Variants in KALRN observed in about 807,000 individuals in gnomAD.
KALRN encodes the protein kalirin RhoGEF kinase, also known as kalirin.
KALRN carries 70 observed loss-of-function variants against 353.7 expected under a neutral mutation model. The ratio of observed to expected loss-of-function variants is 0.20; its 90% CI spans 0.16 to 0.24. KALRN has a LOEUF of 0.24. KALRN is among the 10% of genes least tolerant of loss of function. The probability of loss-of-function intolerance (pLI) is 1.00; values close to 1 mark genes in which losing one functional copy is unlikely to be tolerated. For missense variants in KALRN, 2,791 were observed against 3,756.7 expected, an observed-to-expected ratio of 0.74 and a Z score of 6.72; for synonymous variants, 1,391 against 1,434.8, an observed-to-expected ratio of 0.97 and a Z score of 0.69.
intron 34 of KALRN, among the ~76,000 whole-genome samples, chr3:124,624,058 C>T (rs1318535800): frequency 3.9e-5 from 6 of 152,168 alleles, no homozygotes. Context: ...CAGAAATAAA[C>T]AGTTCATAAG....
chr3:124,451,498 C>A (rs2058776549), intron 21 of KALRN, among the ~76,000 whole-genome samples: 1 of 152,130 alleles, frequency 6.6e-6, no homozygotes, highest in Non-Finnish European at 1.5e-5. Flanking sequence ...AAGATCATGT[C>A]CATACTTCTG....
At chr3:124,373,527 T>C (rs781349241) in intron 10 of KALRN, among the ~76,000 whole-genome samples, 11 of 152,184 alleles carry the variant, frequency 7.2e-5, no homozygotes, top group Non-Finnish European at 1.2e-4. Flanking sequence ...AAGTCTGAGA[T>C]TGCAGTGTTA....
intron 1 of KALRN, among the ~76,000 whole-genome samples, chr3:124,126,329 A>G (rs77480492): frequency 0.021 from 3,145 of 152,248 alleles, 98 homozygotes; most frequent in African/African-American, 0.072. Context: ...CCTGTAACCC[A>G]ATATTACCTC....
intron 25 of KALRN, among the ~76,000 whole-genome samples, chr3:124,471,429 G>A (rs1446213855): frequency 6.6e-6 from 1 of 151,854 alleles, no homozygotes; most frequent in Non-Finnish European, 1.5e-5. Context: ...GGGCTTACAG[G>A]CGCCCACCAC....
intron 21 of KALRN, 140 bp from the exon 22 acceptor site, chr3:124,455,034 TTAG>T (rs1156934812): frequency 1.3e-6 from 1 of 756,564 alleles, no homozygotes; most frequent in Non-Finnish European, 2.1e-6. Flanking sequence ...GATCTCCCAG[TTAG>T]TAGTAACAAA....
chr3:124,312,182 C>T (rs72976563), intron 6 of KALRN, among the ~76,000 whole-genome samples: 9,322 of 152,116 alleles, frequency 0.061, 922 homozygotes, highest in East Asian at 0.47. Flanking sequence ...TTCATTTAGA[C>T]AGAATTTCAC....
chr3:124,277,996 A>ATGTGTGTGTGTG (rs3054178), intron 5 of KALRN, among the ~76,000 whole-genome samples: 10,712 of 146,052 alleles, frequency 0.073, 443 homozygotes, highest in African/African-American at 0.1. Context: ...GAGATGAACT[A>ATGTGTGTGTGTG]TGTGTGTGTG....
chr3:124,099,467 A>T (rs138454483), intron 1 of KALRN: 2 of 152,364 alleles, frequency 1.3e-5, no homozygotes, highest in African/African-American at 4.8e-5. Context: ...ATTGATAGAC[A>T]CTTAGATTGA....
chr3:124,034,185 C>T (rs1426286106), intron 1 of KALRN, among the ~76,000 whole-genome samples: 1 of 152,152 alleles, frequency 6.6e-6, no homozygotes, highest in Non-Finnish European at 1.5e-5. Flanking sequence ...GGCTCCCCCT[C>T]CCCTGTGCCT....
chr3:124,609,166 A>G (rs752957074), intron 34 of KALRN, among the ~76,000 whole-genome samples: 8 of 152,236 alleles, frequency 5.3e-5, no homozygotes, highest in Non-Finnish European at 2.9e-5. Flanking sequence ...AAAGGTCACA[A>G]AATAGGTGGA....
intron 1 of KALRN, among the ~76,000 whole-genome samples, chr3:124,141,462 A>G (rs1297168646): frequency 6.6e-6 from 1 of 151,610 alleles, no homozygotes; most frequent in Admixed American, 6.6e-5. Context: ...AAATGCCCTT[A>G]CCTCTCTCAT....
intron 1 of KALRN, among the ~76,000 whole-genome samples, chr3:124,129,211 A>G (rs1205549980): frequency 6.6e-6 from 1 of 152,178 alleles, no homozygotes; most frequent in African/African-American, 2.4e-5. Flanking sequence ...CCCCAGCATC[A>G]TGGTGGCATG....
chr3:124,320,611 G>T (rs113302301), intron 6 of KALRN, among the ~76,000 whole-genome samples: 2 of 152,208 alleles, frequency 1.3e-5, no homozygotes, highest in Non-Finnish European at 2.9e-5. Context: ...ACTTCTGAGC[G>T]CTCTGGATGT....
rs3755669 is a variant in KALRN at position 124,420,935 on chromosome 3, A to G, written c.2543-1877A>G. On this transcript the variant is annotated intron_variant, in intron 14 of 59. Coordinates refer to ENST00000682506, the MANE Select transcript of KALRN (RefSeq NM_001388419.1). ...AATGGGATTTATTTTTTAGGTAGCC[A>G]TATGTTGAGATTGGCAGGCTCCTTT... is the stretch of plus-strand genomic sequence containing the variant. Among the ~76,000 whole-genome samples the G allele has an allele frequency of 8.7e-3, 1,327 of 152,276 alleles. 51 individuals are homozygous for G. The East Asian group carries it at 0.11, about 13-fold the overall frequency.
chr3:124,586,998 A>C (rs4677935), intron 34 of KALRN, among the ~76,000 whole-genome samples: 44,018 of 152,046 alleles, frequency 0.29, 7,090 homozygotes, highest in Middle Eastern at 0.4. Flanking sequence ...CAGATTGAAA[A>C]GATAAGGTCT....
intron 33 of KALRN, among the ~76,000 whole-genome samples, chr3:124,531,559 C>A (rs1177602006): frequency 6.6e-6 from 1 of 152,140 alleles, no homozygotes; most frequent in Admixed American, 6.5e-5. Flanking sequence ...GGCTGTACAG[C>A]AAACATGATG....
intron 1 of KALRN, among the ~76,000 whole-genome samples, chr3:124,194,373 A>G (rs2075230261): frequency 6.6e-6 from 1 of 151,928 alleles, no homozygotes; most frequent in African/African-American, 2.4e-5. Context: ...TGTCAAGCAT[A>G]CCTGGGTCTT....
At chr3:124,607,334 G>A (rs1466414315) in intron 34 of KALRN, among the ~76,000 whole-genome samples, 1 of 152,124 alleles carries the variant, frequency 6.6e-6, no homozygotes. Context: ...AGAACAAACT[G>A]TGTGTCTATG....
chr3:124,551,219 C>T (rs767515515), intron 33 of KALRN, among the ~76,000 whole-genome samples: 1 of 152,076 alleles, frequency 6.6e-6, no homozygotes. Flanking sequence ...CAGATGGGAG[C>T]AGAAAATCAC....
Sources: allele counts gnomAD v4.1 joint callset (sites outside exome capture counted in the v4.1 genomes callset), GRCh38; gene constraint gnomAD v4.1.1; transcripts MANE v1.5; gene names NCBI Gene and HGNC (gene_info 2026-07-23, HGNC 2026-07-21).